ELMOD1: variants seen among roughly 807,000 people sequenced by gnomAD.
The protein encoded by ELMOD1 is ELMO domain containing 1.
In ELMOD1, 21 loss-of-function variants were observed where a neutral mutation model predicts 46.7. That is an observed-to-expected ratio of 0.45 (90% confidence interval 0.32 to 0.65). The LOEUF (loss-of-function observed/expected upper bound fraction) is 0.65, where lower values mean the gene tolerates loss of function less well. Ranked by LOEUF, ELMOD1 falls within the 30% of genes least tolerant of loss-of-function variation. The pLI is 0.04. For synonymous variants in ELMOD1, 122 were observed against 138.2 expected (o/e 0.88, Z 0.82); for missense variants, 348 against 407.8 (o/e 0.85, Z 1.26).
At chr11:107,635,566 C>A in intron 5 of ELMOD1, 70 bp from the exon 6 acceptor site, 1 of 1,508,580 alleles carries the variant, frequency 6.6e-7, no homozygotes, top group Non-Finnish European at 9.0e-7. Flanking sequence ...ATGCATACAT[C>A]AAGTGAACAA....
At chr11:107,595,384 A>G (rs1401938064) in intron 1 of ELMOD1, among the ~76,000 whole-genome samples, 1 of 152,192 alleles carries the variant, frequency 6.6e-6, no homozygotes, top group Admixed American at 6.5e-5. Flanking sequence ...CCTGTTTGCA[A>G]TGTTTGCCAA....
intron 4 of ELMOD1, 111 bp downstream of exon 4, chr11:107,630,839 G>A: frequency 9.6e-7 from 1 of 1,038,662 alleles, no homozygotes; most frequent in Non-Finnish European, 1.4e-6. Context: ...GAAAACTACT[G>A]CCAACTGAGA....
intron 2 of ELMOD1, among the ~76,000 whole-genome samples, chr11:107,618,712 G>A (rs559215717): frequency 7.9e-4 from 121 of 152,242 alleles, no homozygotes; most frequent in African/African-American, 2.7e-3. Flanking sequence ...TCTGAAATTT[G>A]TATCAATTGT....
chr11:107,622,048 C>T (rs1275650275), intron 2 of ELMOD1, among the ~76,000 whole-genome samples: 4 of 152,044 alleles, frequency 2.6e-5, no homozygotes, highest in African/African-American at 9.7e-5. Context: ...GAATGTGAGA[C>T]GTCTCTGTTC....
chr11:107,665,269 C>A lies in ELMOD1; in HGVS notation c.*72C>A. 6.8e-7 allele frequency: 1 copy of A among 1,473,008 alleles called. No individual in the cohort carries two copies. 91.2% of individuals were successfully genotyped at this position (1,473,008 alleles called of 1,614,324 possible). Reference sequence around the variant, plus strand: ...TCTTGTTAGATCTCTGCTTAGGTCGCAGCTCACGCATTGAATGCACACAGT... The same window carrying A: ...TCTTGTTAGATCTCTGCTTAGGTCGAAGCTCACGCATTGAATGCACACAGT... On this transcript the variant is annotated 3_prime_UTR_variant, in exon 12 of 12. Coordinates refer to ENST00000265840, the MANE Select transcript of ELMOD1 (RefSeq NM_018712.4).
In ELMOD1 at chr11:107,635,751, G is replaced by A. The variant is rs1295997990; in HGVS notation, c.406G>A (p.Glu136Lys). 6.2e-7 allele frequency: 1 copy of A among 1,613,622 alleles called. No homozygotes were observed. Among genetic ancestry groups the A allele is most frequent in the Admixed American group, 1.7e-5 (1 of 59,948 alleles). Residue 136 changes from glutamate to lysine, a missense_variant, in exon 6 of 12, where the codon GAA (glutamate) becomes AAA (lysine). Physicochemically the swap from Glu to Lys is moderately conservative, Grantham distance 56 (BLOSUM62 1). Coordinates refer to ENST00000265840, the MANE Select transcript of ELMOD1 (RefSeq NM_018712.4). ...AYDSDNPQHE[E>K]MLLKLWKFLK... The stretch of plus-strand genomic sequence containing the variant: ...TGATTCTGATAATCCCCAACATGAA[G>A]AAATGCTTTTGAAGGTTAGTGCTTG...
At chr11:107,592,104 T>G in intron 1 of ELMOD1, 2 of 381,514 alleles carry the variant, frequency 5.2e-6, no homozygotes, top group Non-Finnish European at 5.4e-6. Flanking sequence ...TGTGGGTGCT[T>G]TTTTTTGTTT....
rs549083854 is a variant in ELMOD1 at position 107,654,633 on chromosome 11, T to G, written c.698+411T>G. Among the ~76,000 whole-genome samples the G allele has an allele frequency of 5.0e-3, 765 of 152,066 alleles. 2 individuals carry two copies. Among genetic ancestry groups the G allele is most frequent in the Middle Eastern group, 0.027 (8 of 294 alleles). ...AAATACAAAAAATTAGCCGGGCGTG[T>G]TGGCGGGCGCCTGTAGTCCCAGCTA... On this transcript the variant is annotated intron_variant, in intron 10 of 11. Coordinates refer to ENST00000265840, the MANE Select transcript of ELMOD1 (RefSeq NM_018712.4).
chr11:107,653,004 C>T (rs956574509), intron 9 of ELMOD1, among the ~76,000 whole-genome samples: 1 of 152,122 alleles, frequency 6.6e-6, no homozygotes, highest in Non-Finnish European at 1.5e-5. Flanking sequence ...ACAGTTTATA[C>T]AATTTATACA....
intron 2 of ELMOD1, among the ~76,000 whole-genome samples, chr11:107,621,900 G>A (rs1865956009): frequency 6.6e-6 from 1 of 152,010 alleles, no homozygotes; most frequent in Non-Finnish European, 1.5e-5. Flanking sequence ...GGCGGTGGGT[G>A]CCTGTAATCC....
At chr11:107,624,378 C>A (rs760012054) in intron 2 of ELMOD1, among the ~76,000 whole-genome samples, 2 of 152,162 alleles carry the variant, frequency 1.3e-5, no homozygotes, top group Non-Finnish European at 2.9e-5. Context: ...TAGCCAGGCA[C>A]GGCGGCTCAT....
chr11:107,599,743 AAAAAAAAAGAAAAAAAGAAAAG>A (rs1865559972), intron 1 of ELMOD1, among the ~76,000 whole-genome samples: 1 of 144,352 alleles, frequency 6.9e-6, no homozygotes, highest in African/African-American at 2.7e-5. Context: ...CCTGTCTCAA[AAAAAAAAAGAAAAAAAGAAAAG>A]AAAAAAAAAA....
At chr11:107,625,467 C>T in intron 2 of ELMOD1, 1 of 985,350 alleles carries the variant, frequency 1.0e-6, no homozygotes, top group Non-Finnish European at 1.2e-6. Flanking sequence ...CCACTTTTCT[C>T]TTACTGTTCC....
chr11:107,660,666 A>G (rs1262978407), intron 11 of ELMOD1, among the ~76,000 whole-genome samples: 1 of 152,208 alleles, frequency 6.6e-6, no homozygotes, highest in Non-Finnish European at 1.5e-5. Context: ...TAGACCATTC[A>G]AGGAACTCAT....
chr11:107,646,907 G>A (rs558766702), intron 6 of ELMOD1, among the ~76,000 whole-genome samples: 8 of 151,654 alleles, frequency 5.3e-5, no homozygotes, highest in South Asian at 2.1e-4. Context: ...ATTTTTGAGC[G>A]CACCAAAGAG....
At position 107,618,178 on chromosome 11, in the gene ELMOD1, A is replaced by G. The variant is rs1225210882; in HGVS notation, c.-12A>G. 2 of 1,566,954 alleles carry G rather than the reference A, an allele frequency of 1.3e-6. No homozygotes were observed. The highest frequency in any genetic ancestry group is 1.7e-6 in the Non-Finnish European group (2 of 1,154,860). On this transcript the variant is annotated 5_prime_UTR_variant, in exon 2 of 12. Transcript: ENST00000265840. The stretch of plus-strand genomic sequence containing the variant: ...CAGTTCATATAGCATCTGGACAGTC[A>G]ACACGGGCACCATGAAGCACTTCCT...
At chr11:107,598,935 G>A (rs1374101593) in intron 1 of ELMOD1, among the ~76,000 whole-genome samples, 2 of 152,216 alleles carry the variant, frequency 1.3e-5, no homozygotes, top group Non-Finnish European at 2.9e-5. Flanking sequence ...TAAACAGGGT[G>A]CGAGTCCATT....
intron 6 of ELMOD1, among the ~76,000 whole-genome samples, chr11:107,644,589 C>G (rs1024784497): frequency 1.3e-5 from 2 of 150,986 alleles, no homozygotes; most frequent in African/African-American, 4.9e-5. Flanking sequence ...ATTCTCCTGC[C>G]TCAGCCTCCC....
intron 11 of ELMOD1, 139 bp downstream of exon 11, chr11:107,656,205 T>C: frequency 1.1e-6 from 1 of 889,762 alleles, no homozygotes; most frequent in Non-Finnish European, 1.7e-6. Context: ...TTGGCCAGCA[T>C]GGTGAAACCC....
Sources: gnomAD v4.1 joint callset for allele counts (sites outside exome capture counted in the v4.1 genomes callset) on GRCh38, gnomAD v4.1.1 for gene constraint, MANE v1.5 for transcripts, NCBI Gene and HGNC (gene_info 2026-07-23, HGNC 2026-07-21) for gene names.